Variants in ADAM32 observed in about 807,000 individuals in gnomAD.
ADAM32 encodes the protein disintegrin and metalloproteinase domain-containing protein 32.
Under a neutral mutation model 114.9 loss-of-function variants are expected in ADAM32, and 89 were observed. That is an observed-to-expected ratio of 0.77 (90% CI 0.65 to 0.92). The LOEUF (loss-of-function observed/expected upper bound fraction) is 0.92, where lower values mean the gene tolerates loss of function less well. Among genes scored for constraint, ADAM32 ranks in the 40% least tolerant of loss-of-function variants. The pLI is 0.00. For synonymous variants in ADAM32, 285 were observed against 307.5 expected (o/e 0.93, Z 0.77); for missense variants, 870 against 932.8 (o/e 0.93, Z 0.88).
chr8:39,261,037 T>C (rs991908438), intron 19 of ADAM32, among the ~76,000 whole-genome samples: 2 of 152,152 alleles, frequency 1.3e-5, no homozygotes, highest in Admixed American at 6.5e-5. Context: ...TTAGCAGATA[T>C]ATCATCTCAA....
rs116239867 is a variant in ADAM32 at position 39,258,206 on chromosome 8, T to C, written c.2162+863T>C. Among the ~76,000 whole-genome samples, 691 of 152,040 alleles carry C rather than the reference T, an allele frequency of 4.5e-3. 6 individuals are homozygous for C. The highest frequency in any genetic ancestry group is 0.015 in the African/African-American group (625 of 41,556). ...GTTAGTAGTTTGAAACATGTAACTT[T>C]TGGTTTCATTGTGGTCTCTATTTCT... is the stretch of plus-strand genomic sequence containing the variant. On this transcript the variant is annotated intron_variant, in intron 19 of 24. Coordinates refer to ENST00000379907, the MANE Select transcript of ADAM32 (RefSeq NM_145004.7).
At chr8:39,230,486 T>C (rs1295302031) in intron 14 of ADAM32, among the ~76,000 whole-genome samples, 2 of 152,214 alleles carry the variant, frequency 1.3e-5, no homozygotes, top group Non-Finnish European at 2.9e-5. Flanking sequence ...ACATATTCTT[T>C]ACATTATCTT....
At chr8:39,138,918 T>G (rs902117533) in intron 3 of ADAM32, among the ~76,000 whole-genome samples, 1 of 152,360 alleles carries the variant, frequency 6.6e-6, no homozygotes, top group East Asian at 1.9e-4. Context: ...ATTTCTCTGA[T>G]GACCAGTGAT....
At chr8:39,278,581 T>C (rs1016456378) in intron 22 of ADAM32, among the ~76,000 whole-genome samples, 46 of 152,172 alleles carry the variant, frequency 3.0e-4, no homozygotes, top group African/African-American at 9.9e-4. Flanking sequence ...TCCCATATTA[T>C]TGTCATTTGG....
At chr8:39,123,769 C>T (rs1395474489) in intron 2 of ADAM32, among the ~76,000 whole-genome samples, 7 of 147,776 alleles carry the variant, frequency 4.7e-5, no homozygotes, top group Non-Finnish European at 1.0e-4. Context: ...TGCAGTGGCG[C>T]GATCTTGGCT....
intron 23 of ADAM32, 102 bp from the exon 24 acceptor site, chr8:39,283,484 T>G (rs1813570160): frequency 1.1e-6 from 1 of 913,298 alleles, no homozygotes; most frequent in Non-Finnish European, 1.6e-6. Flanking sequence ...TAGTACAACT[T>G]TGAACGGAAA....
chr8:39,226,037 A>G (rs1809347480), intron 14 of ADAM32, among the ~76,000 whole-genome samples: 1 of 152,192 alleles, frequency 6.6e-6, no homozygotes, highest in Admixed American at 6.5e-5. Flanking sequence ...CAGAGAAACA[A>G]CATACATTTT....
In ADAM32 at chr8:39,145,054, C is replaced by T. The variant is rs192359169; in HGVS notation, c.201-2076C>T. ...TTTTCCAAAAATGAAATCAAGAAAA[C>T]AACCCCATGTACAATAGCTACAAAA... On this transcript the variant is annotated intron_variant, in intron 3 of 24. Coordinates refer to ENST00000379907, the MANE Select transcript of ADAM32 (RefSeq NM_145004.7). Among the ~76,000 whole-genome samples, 210 of 152,192 alleles carry T rather than the reference C, an allele frequency of 1.4e-3. 1 individual carries two copies. Among genetic ancestry groups the T allele is most frequent in the African/African-American group, 4.9e-3 (204 of 41,546 alleles).
intron 16 of ADAM32, among the ~76,000 whole-genome samples, chr8:39,237,718 C>T (rs1394779548): frequency 1.3e-5 from 2 of 152,166 alleles, no homozygotes; most frequent in Non-Finnish European, 2.9e-5. Context: ...ACCACAACGG[C>T]CATAGCAAGC....
At chr8:39,195,305 T>C (rs1806903457) in intron 11 of ADAM32, among the ~76,000 whole-genome samples, 1 of 152,224 alleles carries the variant, frequency 6.6e-6, no homozygotes, top group South Asian at 2.1e-4. Flanking sequence ...GTTGAGGTTT[T>C]TGAGATCCTT....
At position 39,113,935 on chromosome 8, in the gene ADAM32, C is replaced by T. The variant is rs1375073421; in HGVS notation, c.59-4151C>T. Among the ~76,000 whole-genome samples the T allele has an allele frequency of 2.6e-5, 4 of 152,258 alleles. No individual in the cohort carries two copies. The South Asian group carries it at 6.2e-4, about 24-fold the overall frequency. On this transcript the variant is annotated intron_variant, in intron 1 of 24. Transcript: ENST00000379907. ...AAAATAACATTTTCCAGGTCAATAA[C>T]TGCATATTAGGTATTAGGAGACGTG...
At chr8:39,259,605 C>G (rs1811892157) in intron 19 of ADAM32, among the ~76,000 whole-genome samples, 1 of 152,138 alleles carries the variant, frequency 6.6e-6, no homozygotes, top group South Asian at 2.1e-4. Flanking sequence ...TAACTCCTTC[C>G]ATTTTCAATG....
chr8:39,187,948 T>C (rs1407608431), intron 11 of ADAM32, among the ~76,000 whole-genome samples: 1 of 152,232 alleles, frequency 6.6e-6, no homozygotes, highest in African/African-American at 2.4e-5. Context: ...CCCCAGATGA[T>C]ATATCAGACA....
Position 39,211,328 on chromosome 8 carries a change from A to C in ADAM32, c.1233+4A>C. The C allele has an allele frequency of 6.7e-7, 1 of 1,488,502 alleles. No individual in the cohort carries two copies. Among genetic ancestry groups the C allele is most frequent in the Non-Finnish European group, 8.9e-7 (1 of 1,122,260 alleles). The allele number at this position is 1,488,502 out of a possible 1,614,324, so 92.2% of individuals were successfully genotyped here. On this transcript the variant is annotated splice_donor_region_variant and intron_variant, in intron 12 of 24. Transcript: ENST00000379907. ...CTGTGATTGTGGTACTGAGGCTGTA[A>C]GTATGATAACTAGGAAAATTGATTA...
chr8:39,179,603 T>G (rs961252454), intron 10 of ADAM32, among the ~76,000 whole-genome samples: 53 of 152,240 alleles, frequency 3.5e-4, no homozygotes, highest in African/African-American at 1.2e-3. Flanking sequence ...GATCTCCTGA[T>G]CCATGGGCTG....
chr8:39,202,496 C>A (rs564963012), intron 11 of ADAM32, among the ~76,000 whole-genome samples: 1 of 151,834 alleles, frequency 6.6e-6, no homozygotes, highest in African/African-American at 2.4e-5. Context: ...TTTTTTATTG[C>A]GTCTATTTGA....
chr8:39,187,164 A>G (rs561443134), intron 11 of ADAM32, 119 bp downstream of exon 11: 109 of 821,920 alleles, frequency 1.3e-4, no homozygotes, highest in Non-Finnish European at 3.6e-6. Context: ...TTCACCAAGT[A>G]TAAACATGTA....
At chr8:39,215,734 A>G (rs567116116) in intron 12 of ADAM32, among the ~76,000 whole-genome samples, 3 of 152,038 alleles carry the variant, frequency 2.0e-5, no homozygotes, top group African/African-American at 7.2e-5. Context: ...GTTTTATTGC[A>G]TTGTGGTCAG....
intron 11 of ADAM32, among the ~76,000 whole-genome samples, chr8:39,202,900 A>G (rs1311067581): frequency 6.7e-6 from 1 of 148,976 alleles, no homozygotes; most frequent in Non-Finnish European, 1.5e-5. Context: ...CCCAGTAGTC[A>G]TTCAGGAGCA....
Sources: gnomAD v4.1 joint callset for allele counts (sites outside exome capture counted in the v4.1 genomes callset) on GRCh38, gnomAD v4.1.1 for gene constraint, MANE v1.5 for transcripts, NCBI Gene and HGNC (gene_info 2026-07-23, HGNC 2026-07-21) for gene names.